Variants in SEMA6D observed in about 807,000 individuals in gnomAD.
The protein encoded by SEMA6D is semaphorin 6D.
Under a neutral mutation model 106.6 loss-of-function variants are expected in SEMA6D, and 35 were observed. That is an observed-to-expected ratio of 0.33 (90% CI 0.25 to 0.44). The LOEUF (loss-of-function observed/expected upper bound fraction) is 0.44, where lower values mean the gene tolerates loss of function less well. SEMA6D is among the 20% of genes least tolerant of loss of function. SEMA6D has a pLI of 1.00. For synonymous variants in SEMA6D, 499 were observed against 487.7 expected (o/e 1.02, Z -0.31); for missense variants, 1,185 against 1,345.9 (o/e 0.88, Z 1.87).
intron 2 of SEMA6D, among the ~76,000 whole-genome samples, chr15:47,422,753 G>T (rs1220926443): frequency 6.6e-6 from 1 of 152,032 alleles, no homozygotes; most frequent in East Asian, 1.9e-4. Flanking sequence ...ACTGCAAGAG[G>T]CATTTTGGAA....
At chr15:47,595,934 G>A (rs2076527510) in intron 3 of SEMA6D, among the ~76,000 whole-genome samples, 1 of 151,998 alleles carries the variant, frequency 6.6e-6, no homozygotes, top group Non-Finnish European at 1.5e-5. Context: ...AATATTAGAG[G>A]TCCTTGCCAG....
intron 4 of SEMA6D, among the ~76,000 whole-genome samples, chr15:47,601,118 AAG>A (rs893584934): frequency 6.7e-6 from 1 of 148,308 alleles, no homozygotes; most frequent in Non-Finnish European, 1.5e-5. Context: ...GAGAGAGAGA[AAG>A]AGAGAGAGAG....
intron 1 of SEMA6D, among the ~76,000 whole-genome samples, chr15:47,746,326 T>C (rs913524917): frequency 6.6e-6 from 1 of 152,226 alleles, no homozygotes; most frequent in African/African-American, 2.4e-5. Context: ...CCATTGTTGT[T>C]GGCAGTGATG....
At chr15:47,732,748 A>C (rs2080203660) in intron 1 of SEMA6D, among the ~76,000 whole-genome samples, 1 of 152,172 alleles carries the variant, frequency 6.6e-6, no homozygotes, top group Admixed American at 6.5e-5. Context: ...TGATTTGAAA[A>C]TTTTGCATAC....
chr15:47,493,664 C>T (rs2141471254), intron 3 of SEMA6D, among the ~76,000 whole-genome samples: 1 of 152,268 alleles, frequency 6.6e-6, no homozygotes. Flanking sequence ...TTACCTGTTT[C>T]ATGTGTATTA....
At chr15:47,474,747 A>AT (rs1257588703) in intron 3 of SEMA6D, among the ~76,000 whole-genome samples, 1 of 152,164 alleles carries the variant, frequency 6.6e-6, no homozygotes, top group Non-Finnish European at 1.5e-5. Flanking sequence ...TCCCTTTGTC[A>AT]TTTTCCCTGT....
chr15:47,587,940 A>T (rs191828347), intron 3 of SEMA6D, among the ~76,000 whole-genome samples: 3 of 152,216 alleles, frequency 2.0e-5, no homozygotes, highest in Non-Finnish European at 4.4e-5. Context: ...ACATTGATTT[A>T]CTCAGACAGT....
chr15:47,515,375 A>T (rs1230856826), intron 3 of SEMA6D, among the ~76,000 whole-genome samples: 1 of 152,104 alleles, frequency 6.6e-6, no homozygotes, highest in Non-Finnish European at 1.5e-5. Flanking sequence ...TGTTTTTATC[A>T]TCTGTTTCCC....
At chr15:47,625,697 T>TTAA (rs200573409) in intron 4 of SEMA6D, among the ~76,000 whole-genome samples, 11,899 of 150,024 alleles carry the variant, frequency 0.079, 643 homozygotes, top group African/African-American at 0.16. Context: ...CTCAAAAATA[T>TTAA]TAATAATAAT....
At position 47,481,951 on chromosome 15, in the gene SEMA6D, A is replaced by T. The variant is rs142538231; in HGVS notation, c.-87+11406A>T. Among the ~76,000 whole-genome samples the T allele has an allele frequency of 5.2e-3, 797 of 152,240 alleles. 6 individuals are homozygous for T. Among genetic ancestry groups the T allele is most frequent in the African/African-American group, 0.019 (770 of 41,532 alleles). The stretch of plus-strand genomic sequence containing the variant: ...GAAGTTATTTTCCGAGAGATGAGAG[A>T]AGTATTTGACCAGGAAAAGGATAGC... On this transcript the variant is annotated intron_variant, in intron 3 of 19. Transcript: ENST00000558014.
chr15:47,706,546 A>G (rs1350186445), intron 4 of SEMA6D, among the ~76,000 whole-genome samples: 2 of 152,230 alleles, frequency 1.3e-5, no homozygotes, highest in African/African-American at 4.8e-5. Context: ...AAACAAAAAG[A>G]AAAGAAAAGT....
At chr15:47,583,657 G>C (rs772409070) in intron 3 of SEMA6D, among the ~76,000 whole-genome samples, 7 of 152,158 alleles carry the variant, frequency 4.6e-5, no homozygotes, top group Admixed American at 1.3e-4. Context: ...GTGTAAACCA[G>C]GGCTCCATAC....
At chr15:47,402,096 T>G (rs1408780110) in intron 1 of SEMA6D, among the ~76,000 whole-genome samples, 1 of 152,214 alleles carries the variant, frequency 6.6e-6, no homozygotes, top group Non-Finnish European at 1.5e-5. Context: ...GTTCAGTATC[T>G]GTACTGCATG....
chr15:47,494,755 T>TATATAG, intron 3 of SEMA6D, among the ~76,000 whole-genome samples: 1 of 72,386 alleles, frequency 1.4e-5, no homozygotes, highest in African/African-American at 8.9e-5. Flanking sequence ...TATATATATA[T>TATATAG]ATATATATAT....
chr15:47,748,770 C>T (rs966947691), intron 1 of SEMA6D, among the ~76,000 whole-genome samples: 1 of 152,218 alleles, frequency 6.6e-6, no homozygotes, highest in African/African-American at 2.4e-5. Context: ...AGACTTTACA[C>T]ATAGGCCTTC....
At chr15:47,769,116 C>G (rs552695252) in intron 18 of SEMA6D, among the ~76,000 whole-genome samples, 14 of 152,290 alleles carry the variant, frequency 9.2e-5, no homozygotes, top group Admixed American at 9.2e-4. Context: ...GATGTTTTGT[C>G]TAGGAGCCTT....
rs770632510 is a variant in SEMA6D, at chr15:47,768,563, A to G, written c.1766-18A>G. The G allele has an allele frequency of 1.2e-5, 19 of 1,581,890 alleles. No homozygotes were observed. The Admixed American group carries it at 3.0e-4, about 25-fold the overall frequency. ...CTTGACACTATCCATATTAATAAAA[A>G]TCTGTTTGCCACCACAGACATGGAG... On this transcript the variant is annotated intron_variant, in intron 17 of 18. Coordinates refer to ENST00000536845, the MANE Select transcript of SEMA6D (RefSeq NM_001358351.3).
At chr15:47,286,225 G>A (rs2035354550) in intron 1 of SEMA6D, among the ~76,000 whole-genome samples, 2 of 152,132 alleles carry the variant, frequency 1.3e-5, no homozygotes, top group Non-Finnish European at 2.9e-5. Context: ...CAGAGATTCT[G>A]AAGCCCCATT....
At chr15:47,602,209 TA>T (rs377731536) in intron 4 of SEMA6D, among the ~76,000 whole-genome samples, 5 of 152,326 alleles carry the variant, frequency 3.3e-5, no homozygotes, top group African/African-American at 9.6e-5. Context: ...TGAGGCAATA[TA>T]ATGTTCTTCT....
Sources: allele counts gnomAD v4.1 joint callset (sites outside exome capture counted in the v4.1 genomes callset), GRCh38; gene constraint gnomAD v4.1.1; transcripts MANE v1.5; gene names NCBI Gene and HGNC (gene_info 2026-07-23, HGNC 2026-07-21).